The following VPS13D variants were observed in gnomAD, a reference collection of about 807,000 sequenced individuals.
VPS13D encodes the protein vacuolar protein sorting 13 homolog D.
VPS13D carries 187 observed loss-of-function variants against 461.9 expected under a neutral mutation model. That is an observed-to-expected ratio of 0.40 (90% confidence interval 0.36 to 0.46). The LOEUF (loss-of-function observed/expected upper bound fraction) is 0.46. VPS13D is among the 20% of genes least tolerant of loss of function. The probability of loss-of-function intolerance (pLI) is 0.60; values close to 1 mark genes in which losing one functional copy is unlikely to be tolerated. For missense variants in VPS13D, 4,711 were observed against 5,364.9 expected, an observed-to-expected ratio of 0.88 and a Z score of 3.81; for synonymous variants, 1,951 against 1,986.3, an observed-to-expected ratio of 0.98 and a Z score of 0.47.
chr1:12,276,441 G>A lies in VPS13D; in HGVS notation c.2853G>A (p.Glu951=). Residue 951 remains glutamate, a synonymous_variant, in exon 19 of 70, where the codon GAG becomes GAA. Transcript: ENST00000620676. This position sits in a 1 kb window ranked among gnomAD's most constrained non-coding sequence, Gnocchi z 4.5. ...AGCATACCCGCGAGGTTCTGGTGGA[G>A]TCGCAGCTCCTCCTGGCGGAATTTA... ...LEQHTREVLV[E]SQLLLAEFKV... is the part of the protein sequence containing the mutation. The A allele has an allele frequency of 6.2e-7, 1 of 1,614,196 alleles. No individual in the cohort carries two copies. The highest frequency in any genetic ancestry group is 8.5e-7 in the Non-Finnish European group (1 of 1,180,034).
chr1:12,433,038 C>G (rs1032391171), intron 65 of VPS13D, among the ~76,000 whole-genome samples: 3 of 152,158 alleles, frequency 2.0e-5, no homozygotes, highest in African/African-American at 7.2e-5. Flanking sequence ...CTCCTGGTAA[C>G]TTAGAATGGA....
At chr1:12,379,663 C>A in intron 57 of VPS13D, 67 bp downstream of exon 57, 1 of 1,135,722 alleles carries the variant, frequency 8.8e-7, no homozygotes, top group Non-Finnish European at 1.3e-6. Flanking sequence ...AAAGTCTCTA[C>A]TAAGTTATAC....
chr1:12,479,728 A>C (rs1372055680), intron 67 of VPS13D, among the ~76,000 whole-genome samples: 1 of 152,176 alleles, frequency 6.6e-6, no homozygotes, highest in Non-Finnish European at 1.5e-5. Flanking sequence ...TCATGATTTC[A>C]ATCCAAAGCA....
intron 67 of VPS13D, among the ~76,000 whole-genome samples, chr1:12,475,300 C>A (rs1274174455): frequency 2.0e-5 from 3 of 152,146 alleles, no homozygotes; most frequent in South Asian, 4.1e-4. Context: ...AGGTCATTCT[C>A]CCCCATACAA....
intron 24 of VPS13D, 37 bp downstream of exon 24, chr1:12,293,741 TTGAC>T: frequency 2.5e-6 from 4 of 1,594,208 alleles, no homozygotes; most frequent in Non-Finnish European, 3.4e-6. Context: ...CTTTTCCAGT[TTGAC>T]TGATCAGTAG....
intron 40 of VPS13D, among the ~76,000 whole-genome samples, chr1:12,338,654 C>G (rs1188960665): frequency 6.6e-6 from 1 of 152,112 alleles, no homozygotes; most frequent in East Asian, 1.9e-4. Context: ...TGCCACAAGT[C>G]TTAAGTTTAT....
chr1:12,383,051 G>T lies in VPS13D; in HGVS notation c.11266G>T (p.Gly3756Trp). 6.2e-7 allele frequency: 1 copy of T among 1,614,058 alleles called. No individual in the cohort carries two copies. Among genetic ancestry groups the T allele is most frequent in the South Asian group, 1.1e-5 (1 of 91,078 alleles). The change falls in exon 58 of 70, where the codon GGG (glycine) becomes TGG (tryptophan). Residue 3756 changes from glycine to tryptophan, a missense_variant. Around this residue, in one of 3 missense-constraint regions of VPS13D, gnomAD observed 4,411 missense variants for 4,937.8 expected, o/e 0.89. Coordinates refer to ENST00000620676, the MANE Select transcript of VPS13D (RefSeq NM_015378.4). ...LGPDTSMELL[G>W]PVPPEQQFIN... ...TCCTGACACTTCCATGGAGCTTTTG[G>T]GGCCAGTTCCACCTGAACAACAATT...
At chr1:12,464,153 C>T (rs954450052) in intron 67 of VPS13D, among the ~76,000 whole-genome samples, 1 of 152,132 alleles carries the variant, frequency 6.6e-6, no homozygotes, top group Non-Finnish European at 1.5e-5. Context: ...GAGTTATAAC[C>T]ATCTCCAACC....
chr1:12,462,412 C>T (rs947884057), intron 67 of VPS13D, among the ~76,000 whole-genome samples: 18 of 152,200 alleles, frequency 1.2e-4, no homozygotes, highest in African/African-American at 4.3e-4. Context: ...TGTGCAACAG[C>T]AAAAGGAAGG....
In VPS13D at chr1:12,412,720, C is replaced by G. The variant is rs143122188; in HGVS notation, c.12031-2367C>G. Among the ~76,000 whole-genome samples the G allele has an allele frequency of 2.0e-5, 3 of 152,284 alleles. No homozygotes were observed. In the East Asian group the frequency reaches 5.8e-4, roughly 29 times the overall value. On this transcript the variant is annotated intron_variant, in intron 63 of 69. Coordinates refer to ENST00000620676, the MANE Select transcript of VPS13D (RefSeq NM_015378.4). ...CTTGTATAAGTAAACGTGGGAATATCTTTATGACCTTGGTGTAGACAAAAA... is the reference window on the plus strand; with the variant it reads ...CTTGTATAAGTAAACGTGGGAATATGTTTATGACCTTGGTGTAGACAAAAA...
intron 18 of VPS13D, 66 bp from the exon 19 acceptor site, chr1:12,275,759 T>A: frequency 6.8e-7 from 1 of 1,473,172 alleles, no homozygotes; most frequent in Non-Finnish European, 9.0e-7. Context: ...TTCATAATTA[T>A]TACATTAAGG....
intron 44 of VPS13D, 54 bp downstream of exon 44, chr1:12,346,706 T>G (rs1344769569): frequency 1.4e-6 from 2 of 1,477,184 alleles, no homozygotes; most frequent in Non-Finnish European, 1.9e-6. Flanking sequence ...ACACTGCACC[T>G]GAATCATGTG....
chr1:12,304,539 C>A lies in VPS13D; in HGVS notation c.6250C>A (p.Pro2084Thr), dbSNP rs758395492. ...GCCTTCAGCTTCCCCAACGGGTATT[C>A]CCAAACACAGTCTGAGGAAAACGAC... ...SVPSASPTGI[P>T]KHSLRKTTST... Residue 2084 changes from proline (P) to threonine (T), a missense_variant, in exon 26 of 70, where the codon CCC becomes ACC. By Grantham distance (38) the Pro-to-Thr change is conservative. Coordinates refer to ENST00000620676, the MANE Select transcript of VPS13D (RefSeq NM_015378.4). The A allele has an allele frequency of 5.0e-6, 8 of 1,613,936 alleles. No homozygotes were observed. The highest frequency in any genetic ancestry group is 6.8e-6 in the Non-Finnish European group (8 of 1,179,986).
At chr1:12,266,432 A>G (rs1021741780) in intron 13 of VPS13D, among the ~76,000 whole-genome samples, 2 of 152,256 alleles carry the variant, frequency 1.3e-5, no homozygotes, top group Admixed American at 6.5e-5. Flanking sequence ...CCACGCCTTG[A>G]TCAGTCAGCA....
intron 50 of VPS13D, among the ~76,000 whole-genome samples, chr1:12,361,458 G>C (rs1467288742): frequency 2.0e-5 from 3 of 148,224 alleles, no homozygotes; most frequent in East Asian, 3.9e-4. Flanking sequence ...TGCAGTGGCG[G>C]GATCTCGGCT....
chr1:12,433,949 A>AGAGAGAGAGAGAGAGAGAGAGAGTGT (rs1553121770), intron 65 of VPS13D, among the ~76,000 whole-genome samples: 24 of 144,914 alleles, frequency 1.7e-4, no homozygotes, highest in African/African-American at 4.9e-4. Context: ...AGAGAGAGAG[A>AGAGAGAGAGAGAGAGAGAGAGAGTGT]GTGTGTGTGT....
chr1:12,380,153 GAT>G (rs1644254404), intron 57 of VPS13D, among the ~76,000 whole-genome samples: 1 of 152,106 alleles, frequency 6.6e-6, no homozygotes, highest in African/African-American at 2.4e-5. Context: ...TGGATGATAA[GAT>G]ATGTTTTTCA....
At chr1:12,484,136 G>A (rs779726892) in intron 67 of VPS13D, among the ~76,000 whole-genome samples, 7 of 152,210 alleles carry the variant, frequency 4.6e-5, no homozygotes, top group Middle Eastern at 3.4e-3. Flanking sequence ...GTTGTAAAAC[G>A]TGACCAGTTG....
At chr1:12,446,281 G>A (rs1166000022) in intron 65 of VPS13D, among the ~76,000 whole-genome samples, 1 of 152,102 alleles carries the variant, frequency 6.6e-6, no homozygotes, top group Admixed American at 6.5e-5. Flanking sequence ...GCCAGGCATG[G>A]TGTCGCGTGC....
Sources: gnomAD v4.1 joint callset for allele counts (sites outside exome capture counted in the v4.1 genomes callset) on GRCh38, gnomAD v4.1.1 for gene constraint, gnomAD v4.1.1 regional missense constraint, Gnocchi (gnomAD v3.1) non-coding constraint, MANE v1.5 for transcripts, NCBI Gene and HGNC (gene_info 2026-07-23, HGNC 2026-07-21) for gene names.